The following PRKAR2B variants were observed in gnomAD, a reference collection of about 807,000 sequenced individuals.
PRKAR2B encodes the protein cAMP-dependent protein kinase type II-beta regulatory subunit.
A neutral mutation model predicts 49.9 loss-of-function variants in PRKAR2B; 14 were observed. That is an observed-to-expected ratio of 0.28 (90% CI 0.19 to 0.44). PRKAR2B has a LOEUF of 0.44. Ranked by LOEUF, PRKAR2B falls within the 20% of genes least tolerant of loss-of-function variation. PRKAR2B has a pLI of 1.00. For synonymous variants in PRKAR2B, 196 were observed against 197.7 expected (o/e 0.99, Z 0.07); for missense variants, 393 against 537.9 (o/e 0.73, Z 2.67).
intron 5 of PRKAR2B, among the ~76,000 whole-genome samples, chr7:107,141,616 C>T (rs557228675): frequency 3.3e-5 from 5 of 152,218 alleles, no homozygotes; most frequent in Admixed American, 3.3e-4. Context: ...TGCTTGAACC[C>T]GGCAGGTGGA....
rs561387128 is a variant in PRKAR2B at position 107,121,096 on chromosome 7, T to C, written c.344-856T>C. ...TAAGCAATAGCATCCAATTCTGTTG[T>C]ACAGTTAGGGGGGTCTTATTACATA... On this transcript the variant is annotated intron_variant, in intron 2 of 10. Coordinates refer to ENST00000265717, the MANE Select transcript of PRKAR2B (RefSeq NM_002736.3). 9.2e-5 allele frequency among the ~76,000 whole-genome samples: 14 copies of C among 151,952 alleles called. No homozygotes were observed. In the East Asian group the frequency reaches 2.7e-3, roughly 29 times the overall value.
In PRKAR2B at chr7:107,160,726, T is replaced by A. The variant is rs1432881784; in HGVS notation, c.*1144T>A. The A allele has an allele frequency of 6.6e-6, 1 of 152,214 alleles. No homozygotes were observed. Among genetic ancestry groups the A allele is most frequent in the African/African-American group, 2.4e-5 (1 of 41,450 alleles). 9.4% of individuals were successfully genotyped at this position (152,214 alleles called of 1,614,324 possible). A position where few individuals can be genotyped will look rare whatever the true frequency, so the allele number is the denominator to read the frequency against. Reference sequence around the variant, plus strand: ...AACCCTATATAAAGACAAAATGAATTTCTGACCTTACCATATATACCATTA... The same window carrying A: ...AACCCTATATAAAGACAAAATGAATATCTGACCTTACCATATATACCATTA... On this transcript the variant is annotated 3_prime_UTR_variant, in exon 11 of 11. Coordinates refer to ENST00000265717, the MANE Select transcript of PRKAR2B (RefSeq NM_002736.3).
intron 2 of PRKAR2B, among the ~76,000 whole-genome samples, chr7:107,104,018 T>C (rs923627692): frequency 4.7e-5 from 7 of 150,346 alleles, no homozygotes; most frequent in Admixed American, 4.6e-4. Context: ...CCCCACAATG[T>C]TTTTTTCTTT....
intron 5 of PRKAR2B, among the ~76,000 whole-genome samples, chr7:107,141,261 A>T (rs900780162): frequency 2.6e-5 from 4 of 152,234 alleles, no homozygotes; most frequent in African/African-American, 9.6e-5. Flanking sequence ...TAGTATTAGT[A>T]TGTACTAGAT....
intron 2 of PRKAR2B, among the ~76,000 whole-genome samples, chr7:107,113,500 A>C (rs1795210780): frequency 6.6e-6 from 1 of 152,216 alleles, no homozygotes; most frequent in Admixed American, 6.5e-5. Context: ...AGTTTCTATT[A>C]CAGTTCTGTC....
intron 1 of PRKAR2B, among the ~76,000 whole-genome samples, chr7:107,060,437 G>T (rs1241322314): frequency 1.3e-5 from 2 of 152,188 alleles, no homozygotes; most frequent in Non-Finnish European, 2.9e-5. Flanking sequence ...TGGATGTCAG[G>T]TAGCATCTTA....
At chr7:107,135,632 C>T (rs1026468107) in intron 4 of PRKAR2B, among the ~76,000 whole-genome samples, 1 of 151,926 alleles carries the variant, frequency 6.6e-6, no homozygotes, top group African/African-American at 2.4e-5. Flanking sequence ...TTAACATCCC[C>T]CCAAAATGAA....
intron 2 of PRKAR2B, among the ~76,000 whole-genome samples, chr7:107,098,615 T>C (rs1051054633): frequency 6.6e-5 from 10 of 152,242 alleles, no homozygotes; most frequent in Admixed American, 2.0e-4. Flanking sequence ...AATCGTTAGC[T>C]TTTCTGCTCT....
intron 2 of PRKAR2B, among the ~76,000 whole-genome samples, chr7:107,098,657 T>A (rs1794898961): frequency 6.6e-6 from 1 of 152,192 alleles, no homozygotes; most frequent in African/African-American, 2.4e-5. Context: ...TTTATCTACC[T>A]TTGGTCTTTG....
At chr7:107,135,767 C>A (rs1454222984) in intron 4 of PRKAR2B, among the ~76,000 whole-genome samples, 2 of 152,108 alleles carry the variant, frequency 1.3e-5, no homozygotes, top group Non-Finnish European at 2.9e-5. Flanking sequence ...GATAGGAAGA[C>A]CCACTATTGT....
chr7:107,132,663 C>T (rs1795624261), intron 4 of PRKAR2B, among the ~76,000 whole-genome samples: 1 of 152,038 alleles, frequency 6.6e-6, no homozygotes, highest in Admixed American at 6.6e-5. Context: ...CAGTGTCTAG[C>T]TGGAGTGACT....
At chr7:107,118,310 TTTCA>T (rs34651958) in intron 2 of PRKAR2B, among the ~76,000 whole-genome samples, 59,290 of 151,208 alleles carry the variant, frequency 0.39, 14,161 homozygotes, top group Non-Finnish European at 0.51. Flanking sequence ...TTGAGCAAGT[TTTCA>T]TTCATTCATT....
intron 2 of PRKAR2B, among the ~76,000 whole-genome samples, chr7:107,110,840 C>T (rs1036787947): frequency 7.9e-5 from 12 of 152,116 alleles, no homozygotes; most frequent in African/African-American, 2.2e-4. Flanking sequence ...TACACATTAC[C>T]AGCTGTGGTG....
At chr7:107,054,565 A>G (rs1793873861) in intron 1 of PRKAR2B, among the ~76,000 whole-genome samples, 2 of 152,210 alleles carry the variant, frequency 1.3e-5, no homozygotes, top group East Asian at 3.9e-4. Flanking sequence ...CCTTGACGTT[A>G]ATACTATCAA....
chr7:107,112,145 C>T (rs1319712743), intron 2 of PRKAR2B, among the ~76,000 whole-genome samples: 1 of 143,868 alleles, frequency 7.0e-6, no homozygotes, highest in Non-Finnish European at 1.5e-5. Flanking sequence ...TTGCACTCCA[C>T]CCTGGGTGAC....
intron 1 of PRKAR2B, among the ~76,000 whole-genome samples, chr7:107,055,552 T>G (rs1323870460): frequency 1.3e-5 from 2 of 152,216 alleles, no homozygotes; most frequent in Admixed American, 6.5e-5. Context: ...TTTGCATTTC[T>G]CTGATGGCCA....
chr7:107,132,641 T>C (rs1720898011), intron 4 of PRKAR2B, among the ~76,000 whole-genome samples: 1 of 152,108 alleles, frequency 6.6e-6, no homozygotes, highest in South Asian at 2.1e-4. Flanking sequence ...GGAAAGAATC[T>C]AGGATGGCTC....
intron 4 of PRKAR2B, among the ~76,000 whole-genome samples, chr7:107,131,122 T>C (rs540829752): frequency 1.3e-5 from 2 of 152,318 alleles, no homozygotes; most frequent in Admixed American, 6.5e-5. Context: ...AATGTTCAAG[T>C]TCAGTATTTG....
intron 2 of PRKAR2B, among the ~76,000 whole-genome samples, chr7:107,074,729 C>T (rs1488754856): frequency 1.3e-5 from 2 of 151,836 alleles, no homozygotes; most frequent in African/African-American, 2.4e-5. Flanking sequence ...ACCTGGGAGA[C>T]GGAGGTTGCA....
Sources: allele counts gnomAD v4.1 joint callset (sites outside exome capture counted in the v4.1 genomes callset), GRCh38; gene constraint gnomAD v4.1.1; transcripts MANE v1.5; gene names NCBI Gene and HGNC (gene_info 2026-07-23, HGNC 2026-07-21).